The following POTEC variants were observed in gnomAD, a reference collection of about 807,000 sequenced individuals.
POTEC encodes the protein ANKRD26-like family B member 2.
POTEC carries 35 observed loss-of-function variants against 62.0 expected under a neutral mutation model. The ratio of observed to expected loss-of-function variants is 0.56; its 90% CI spans 0.43 to 0.75. The LOEUF is 0.75. Among genes scored for constraint, POTEC ranks in the 30% least tolerant of loss-of-function variants. The pLI, the probability that POTEC is intolerant of heterozygous loss-of-function variation, is 0.00. For synonymous variants in POTEC, 156 were observed against 221.5 expected (o/e 0.70, Z 2.62); for missense variants, 472 against 655.9 (o/e 0.72, Z 3.06).
intron 6 of POTEC, among the ~76,000 whole-genome samples, chr18:14,526,952 T>G (rs533913326): frequency 6.6e-6 from 1 of 152,258 alleles, no homozygotes; most frequent in African/African-American, 2.4e-5. Context: ...CGTAGCAAAT[T>G]CTTAATAATT....
At chr18:14,536,280 T>C (rs1270967425) in intron 3 of POTEC, among the ~76,000 whole-genome samples, 1 of 146,134 alleles carries the variant, frequency 6.8e-6, no homozygotes, top group Admixed American at 6.9e-5. Context: ...TTAAAGGAAT[T>C]AGCACATATC....
At position 14,543,214 on chromosome 18, in the gene POTEC, C is replaced by A; in HGVS notation, c.-68G>T. 6.2e-7 allele frequency: 1 copy of A among 1,601,266 alleles called. No individual in the cohort carries two copies. Among genetic ancestry groups the A allele is most frequent in the Non-Finnish European group, 8.5e-7 (1 of 1,172,198 alleles). ...CGCGTCTACCAACCAGTTTCACCAA[C>A]TAGCAGGAAACCCTGGGTTTCCAAT... On this transcript the variant is annotated 5_prime_UTR_variant, in exon 1 of 11. Coordinates refer to ENST00000358970, the MANE Select transcript of POTEC (RefSeq NM_001137671.2).
intron 5 of POTEC, among the ~76,000 whole-genome samples, chr18:14,532,577 G>A (rs1430388924): frequency 1.3e-5 from 2 of 152,078 alleles, no homozygotes; most frequent in African/African-American, 2.4e-5. Context: ...CAGAATGATT[G>A]GAATGTCCTT....
At chr18:14,516,670 G>T (rs1394161905) in intron 9 of POTEC, among the ~76,000 whole-genome samples, 2 of 145,286 alleles carry the variant, frequency 1.4e-5, no homozygotes, top group East Asian at 4.0e-4. Context: ...TACTGGGGGG[G>T]GGTGTATCCT....
chr18:14,516,426 A>G (rs1412659367), intron 9 of POTEC, among the ~76,000 whole-genome samples: 40 of 124,746 alleles, frequency 3.2e-4, no homozygotes, highest in African/African-American at 1.3e-3. Context: ...GAAACTTACA[A>G]TCATGGCAGA....
In POTEC at chr18:14,543,377, G is replaced by T; in HGVS notation, c.-231C>A. 1 of 685,738 alleles carries T rather than the reference G, an allele frequency of 1.5e-6. No individual in the cohort carries two copies. The allele number at this position is 685,738 out of a possible 1,614,324, so 42.5% of individuals were successfully genotyped here. ...CAGGGGGACCCAACGCCCACCCCAG[G>T]AAAGGCCAAGCCCCCCCTCCCAAGG... On this transcript the variant is annotated 5_prime_UTR_variant, in exon 1 of 11. Coordinates refer to ENST00000358970, the MANE Select transcript of POTEC (RefSeq NM_001137671.2).
rs950044728 is a variant in POTEC, at chr18:14,538,964, T to C, written c.522-715A>G. Among the ~76,000 whole-genome samples, 29 of 152,316 alleles carry C rather than the reference T, an allele frequency of 1.9e-4. 1 individual carries two copies. The highest frequency in any genetic ancestry group is 2.9e-4 in the Non-Finnish European group (20 of 68,034). On this transcript the variant is annotated intron_variant, in intron 1 of 10. Transcript: ENST00000358970. ...AGAATATGTTATAATATAACAGGTC[T>C]GGGGCAGTTCCAGTCAGATGACTAG...
chr18:14,533,558 A>AAAT (rs1203672099), intron 4 of POTEC, among the ~76,000 whole-genome samples: 2 of 152,140 alleles, frequency 1.3e-5, no homozygotes, highest in Admixed American at 1.3e-4. Context: ...CTGTAATAGA[A>AAAT]AATTAGCTAG....
chr18:14,519,182 C>A (rs1306879957), intron 9 of POTEC, among the ~76,000 whole-genome samples: 1 of 151,874 alleles, frequency 6.6e-6, no homozygotes, highest in Non-Finnish European at 1.5e-5. Flanking sequence ...AGAATGACAC[C>A]AAGATTTTTG....
At position 14,512,102 on chromosome 18, in the gene POTEC, T is replaced by C. The variant is rs1384782800; in HGVS notation, c.1534-109A>G. ...TATTTGTATAATGAAATAATTCCCA[T>C]AGTGGATATTTAACTGGAAAAAAGT... On this transcript the variant is annotated intron_variant, in intron 10 of 10. Transcript: ENST00000358970. The C allele has an allele frequency of 1.8e-4, 158 of 882,694 alleles. No individual in the cohort carries two copies. The Middle Eastern group carries it at 2.6e-3, about 15-fold the overall frequency. 54.7% of individuals were successfully genotyped at this position (882,694 alleles called of 1,614,324 possible).
intron 7 of POTEC, 150 bp downstream of exon 7, chr18:14,524,763 T>A: frequency 2.7e-6 from 2 of 734,874 alleles, no homozygotes; most frequent in South Asian, 6.9e-5. Context: ...TTAAAATAAA[T>A]TTTAAGAATC....
At chr18:14,526,216 A>G (rs1402757444) in intron 6 of POTEC, among the ~76,000 whole-genome samples, 1 of 152,008 alleles carries the variant, frequency 6.6e-6, no homozygotes, top group African/African-American at 2.4e-5. Flanking sequence ...ATCTTTTAAA[A>G]CAATGCTATG....
chr18:14,507,578 T>C lies in POTEC; in HGVS notation c.*4320A>G, dbSNP rs546152949. The C allele has an allele frequency of 6.6e-6, 1 of 152,222 alleles. No homozygotes were observed. The highest frequency in any genetic ancestry group is 1.9e-4 in the East Asian group (1 of 5,170). The allele number at this position is 152,222 out of a possible 1,614,324, so 9.4% of individuals were successfully genotyped here. A position where few individuals can be genotyped will look rare whatever the true frequency, so the allele number is the denominator to read the frequency against. ...AATTGGAGCATTTAGCCCATTTCCA[T>C]TTAAGGTTAGTAATGGTATGTGTGG... is the stretch of plus-strand genomic sequence containing the variant. On this transcript the variant is annotated 3_prime_UTR_variant, in exon 11 of 11. Coordinates refer to ENST00000358970, the MANE Select transcript of POTEC (RefSeq NM_001137671.2).
intron 1 of POTEC, among the ~76,000 whole-genome samples, chr18:14,540,976 C>T (rs11877162): frequency 0.016 from 2,361 of 152,018 alleles, 58 homozygotes; most frequent in African/African-American, 0.053. Context: ...CTGCAACCTC[C>T]GTCTCCCTGG....
intron 9 of POTEC, among the ~76,000 whole-genome samples, chr18:14,516,900 AAAGTGAAC>A (rs2143115805): frequency 6.6e-6 from 1 of 151,766 alleles, no homozygotes; most frequent in South Asian, 2.1e-4. Flanking sequence ...TACTGAGAAG[AAAGTGAAC>A]AAGAAAAGGA....
In POTEC at chr18:14,528,211, C is replaced by T. The variant is rs1167662528; in HGVS notation, c.1126+2272G>A. 2.0e-5 allele frequency: 3 copies of T among 152,192 alleles called. No homozygotes were observed. In the East Asian group the frequency reaches 5.8e-4, roughly 29 times the overall value. The allele number at this position is 152,192 out of a possible 1,614,324, so 9.4% of individuals were successfully genotyped here. On this transcript the variant is annotated intron_variant, in intron 6 of 10. Transcript: ENST00000358970. ...ATTTTACACCATAAGCAGAATATGC[C>T]TTAATACTCAAATTTAATCTTGTAA...
intron 9 of POTEC, among the ~76,000 whole-genome samples, chr18:14,515,451 C>T (rs996464447): frequency 6.6e-6 from 1 of 151,984 alleles, no homozygotes; most frequent in Non-Finnish European, 1.5e-5. Context: ...GGAGAAAGTA[C>T]ACGTTATTCA....
chr18:14,518,901 T>C (rs1363473125), intron 9 of POTEC, among the ~76,000 whole-genome samples: 3 of 151,512 alleles, frequency 2.0e-5, no homozygotes, highest in Non-Finnish European at 4.4e-5. Context: ...CCGAGTGAAA[T>C]GGGAGATAAT....
chr18:14,516,888 T>C (rs1419562167), intron 9 of POTEC, among the ~76,000 whole-genome samples: 1 of 151,610 alleles, frequency 6.6e-6, no homozygotes, highest in Non-Finnish European at 1.5e-5. Flanking sequence ...TCACCGTTAT[T>C]GTACTGAGAA....
Sources: allele counts gnomAD v4.1 joint callset (sites outside exome capture counted in the v4.1 genomes callset), GRCh38; gene constraint gnomAD v4.1.1; transcripts MANE v1.5; gene names NCBI Gene and HGNC (gene_info 2026-07-23, HGNC 2026-07-21).